Variants in PDE4D observed in about 807,000 individuals in gnomAD.
The protein encoded by PDE4D is phosphodiesterase 4D, also known as 3',5'-cyclic-AMP phosphodiesterase 4D.
Under a neutral mutation model 87.4 loss-of-function variants are expected in PDE4D, and 24 were observed. The observed-to-expected ratio is 0.27, with a 90% CI of 0.20 to 0.39. The LOEUF (loss-of-function observed/expected upper bound fraction) is 0.39, where lower values mean the gene tolerates loss of function less well. Among genes scored for constraint, PDE4D ranks in the 10% least tolerant of loss-of-function variants. The pLI is 1.00. For synonymous variants in PDE4D, 384 were observed against 383.2 expected, an observed-to-expected ratio of 1.00 and a Z score of -0.02; for missense variants, 714 against 1,041.0, an observed-to-expected ratio of 0.69 and a Z score of 4.32.
intron 1 of PDE4D, among the ~76,000 whole-genome samples, chr5:59,645,536 G>T (rs1001329149): frequency 1.3e-5 from 2 of 152,102 alleles, no homozygotes; most frequent in African/African-American, 2.4e-5. Flanking sequence ...ATATTCTTGT[G>T]GTTCTCAGTC....
chr5:59,569,498 A>G (rs1385420031), intron 1 of PDE4D, among the ~76,000 whole-genome samples: 1 of 152,224 alleles, frequency 6.6e-6, no homozygotes, highest in Non-Finnish European at 1.5e-5. Context: ...AATCAATGTT[A>G]TCATCTACTT....
chr5:59,600,544 T>A (rs1390745776), intron 1 of PDE4D, among the ~76,000 whole-genome samples: 2 of 152,156 alleles, frequency 1.3e-5, no homozygotes, highest in Non-Finnish European at 2.9e-5. Flanking sequence ...GTTAAGCCAT[T>A]AAGTTGGGGG....
intron 1 of PDE4D, among the ~76,000 whole-genome samples, chr5:59,711,266 C>T (rs777090143): frequency 6.6e-6 from 1 of 152,180 alleles, no homozygotes; most frequent in Non-Finnish European, 1.5e-5. Context: ...TGATATAAGA[C>T]CATTATTTTG....
chr5:59,845,997 C>T, intron 1 of PDE4D, among the ~76,000 whole-genome samples: 1 of 151,928 alleles, frequency 6.6e-6, no homozygotes, highest in Non-Finnish European at 1.5e-5. Flanking sequence ...AAGCTGAAAC[C>T]ATTCAGATAT....
At chr5:60,112,996 A>G (rs568240076) in intron 2 of PDE4D, among the ~76,000 whole-genome samples, 2 of 152,250 alleles carry the variant, frequency 1.3e-5, no homozygotes, top group South Asian at 4.1e-4. Context: ...CAGGGAGATG[A>G]GACGTACGTC....
At position 59,564,521 on chromosome 5, in the gene PDE4D, G is replaced by C. The variant is rs562848097; in HGVS notation, c.455+328647C>G. Among the ~76,000 whole-genome samples, 133 of 152,310 alleles carry C rather than the reference G, an allele frequency of 8.7e-4. 2 individuals are homozygous for C. The highest frequency in any genetic ancestry group is 5.6e-3 in the South Asian group (27 of 4,824). On this transcript the variant is annotated intron_variant, in intron 1 of 14. Coordinates refer to ENST00000340635, the MANE Select transcript of PDE4D (RefSeq NM_001104631.2). ...GAAAAAATTAAGAGACACCCGGATG[G>C]GGAAAACCCATTCTCTTTTTGGTGA...
intron 1 of PDE4D, among the ~76,000 whole-genome samples, chr5:60,268,902 TA>T (rs1481347741): frequency 6.6e-6 from 1 of 152,170 alleles, no homozygotes; most frequent in African/African-American, 2.4e-5. Context: ...TTTCTGATTA[TA>T]AAAACAATGC....
At chr5:59,517,734 G>T (rs1051895471) in intron 1 of PDE4D, among the ~76,000 whole-genome samples, 4 of 152,182 alleles carry the variant, frequency 2.6e-5, no homozygotes, top group African/African-American at 9.7e-5. Context: ...TTAGAGCAGT[G>T]CCTGGTTCAT....
At chr5:59,267,325 T>G (rs953600302) in intron 1 of PDE4D, among the ~76,000 whole-genome samples, 1 of 152,104 alleles carries the variant, frequency 6.6e-6, no homozygotes, top group Non-Finnish European at 1.5e-5. Flanking sequence ...AATGACATCC[T>G]GAATGTTAGG....
At chr5:60,143,603 T>TTGTGTGTGTGTGTGTGTGTGTGTGTG (rs34236719) in intron 2 of PDE4D, among the ~76,000 whole-genome samples, 42 of 117,754 alleles carry the variant, frequency 3.6e-4, no homozygotes, top group African/African-American at 1.3e-3. Flanking sequence ...AGCTTGGGAA[T>TTGTGTGTGTGTGTGTGTGTGTGTGTG]TGTGTGTGTG....
intron 1 of PDE4D, among the ~76,000 whole-genome samples, chr5:59,269,648 T>A (rs1763451718): frequency 6.6e-6 from 1 of 152,040 alleles, no homozygotes; most frequent in African/African-American, 2.4e-5. Flanking sequence ...TCTTTAGAGG[T>A]ATTTTAAGGA....
chr5:59,259,159 C>T (rs536002141), intron 1 of PDE4D, among the ~76,000 whole-genome samples: 2 of 151,896 alleles, frequency 1.3e-5, no homozygotes, highest in South Asian at 4.2e-4. Flanking sequence ...GAGTTTTTCC[C>T]TTCTAATAAT....
intron 1 of PDE4D, among the ~76,000 whole-genome samples, chr5:60,248,396 G>A (rs1748040763): frequency 6.6e-6 from 1 of 152,072 alleles, no homozygotes; most frequent in South Asian, 2.1e-4. Flanking sequence ...AGAATGCCAT[G>A]TCAGCCATGG....
chr5:59,954,179 C>A (rs1758591656), intron 3 of PDE4D, among the ~76,000 whole-genome samples: 3 of 152,224 alleles, frequency 2.0e-5, no homozygotes, highest in African/African-American at 7.2e-5. Context: ...CGGCCTCGGT[C>A]TCCCAAAATG....
chr5:59,680,212 C>T (rs946554517), intron 1 of PDE4D, among the ~76,000 whole-genome samples: 1 of 152,012 alleles, frequency 6.6e-6, no homozygotes, highest in African/African-American at 2.4e-5. Context: ...AGCCACAAAC[C>T]CACATATGCA....
chr5:59,694,266 G>C (rs1444730581), intron 1 of PDE4D, among the ~76,000 whole-genome samples: 6 of 152,110 alleles, frequency 3.9e-5, no homozygotes, highest in Admixed American at 3.9e-4. Flanking sequence ...CCTCTATAAA[G>C]TAAGTGCAGA....
At chr5:59,129,870 A>G (rs1433039426) in intron 5 of PDE4D, among the ~76,000 whole-genome samples, 1 of 152,174 alleles carries the variant, frequency 6.6e-6, no homozygotes, top group Non-Finnish European at 1.5e-5. Flanking sequence ...TCTATAAAAT[A>G]TGACCCTACC....
chr5:59,849,329 G>T (rs1744336830), intron 1 of PDE4D, among the ~76,000 whole-genome samples: 1 of 151,840 alleles, frequency 6.6e-6, no homozygotes, highest in Non-Finnish European at 1.5e-5. Flanking sequence ...TTGAGTTATT[G>T]AACAATGACT....
chr5:60,273,186 C>A (rs1300789176), intron 1 of PDE4D, among the ~76,000 whole-genome samples: 1 of 151,984 alleles, frequency 6.6e-6, no homozygotes, highest in African/African-American at 2.4e-5. Flanking sequence ...AAGAAGAGGG[C>A]ATGTAACTCA....
Sources: allele counts gnomAD v4.1 joint callset (sites outside exome capture counted in the v4.1 genomes callset), GRCh38; gene constraint gnomAD v4.1.1; transcripts MANE v1.5; gene names NCBI Gene and HGNC (gene_info 2026-07-23, HGNC 2026-07-21).